GSK3B: variants seen among roughly 807,000 people sequenced by gnomAD.
GSK3B encodes the protein glycogen synthase kinase 3 beta.
A neutral mutation model predicts 56.4 loss-of-function variants in GSK3B; 15 were observed. That is an observed-to-expected ratio of 0.27 (90% confidence interval 0.18 to 0.41). The LOEUF (loss-of-function observed/expected upper bound fraction) is 0.41, where lower values mean the gene tolerates loss of function less well. Ranked by LOEUF, GSK3B falls within the 10% of genes least tolerant of loss-of-function variation. The pLI is 1.00. For synonymous variants in GSK3B, 181 were observed against 188.9 expected (o/e 0.96, Z 0.34); for missense variants, 300 against 513.4 (o/e 0.58, Z 4.02).
chr3:119,879,065 A>AT (rs776708142), intron 7 of GSK3B, among the ~76,000 whole-genome samples: 2 of 152,244 alleles, frequency 1.3e-5, no homozygotes, highest in African/African-American at 2.4e-5. Flanking sequence ...GTGGCTACAT[A>AT]GTAGGTGTAT....
chr3:120,089,428 T>G (rs2058492490), intron 1 of GSK3B, among the ~76,000 whole-genome samples: 1 of 152,238 alleles, frequency 6.6e-6, no homozygotes, highest in Non-Finnish European at 1.5e-5. Context: ...AGAAATGGAC[T>G]AAACTCTAAT....
chr3:119,839,066 G>A (rs2055734636), intron 10 of GSK3B, among the ~76,000 whole-genome samples: 1 of 152,140 alleles, frequency 6.6e-6, no homozygotes, highest in Non-Finnish European at 1.5e-5. Context: ...ATATTTTGTT[G>A]TACTAGTCAA....
chr3:119,877,997 T>TA, intron 7 of GSK3B, among the ~76,000 whole-genome samples: 1 of 152,132 alleles, frequency 6.6e-6, no homozygotes, highest in East Asian at 1.9e-4. Context: ...AATGTAATGG[T>TA]AAGTACTAGA....
chr3:119,958,839 AACAGGT>A (rs1290177945), intron 2 of GSK3B, among the ~76,000 whole-genome samples: 1 of 151,850 alleles, frequency 6.6e-6, no homozygotes, highest in African/African-American at 2.4e-5. Context: ...GTTGGAGCTT[AACAGGT>A]AGAATTCAAC....
chr3:120,012,300 T>C (rs1166341152), intron 1 of GSK3B, among the ~76,000 whole-genome samples: 1 of 152,186 alleles, frequency 6.6e-6, no homozygotes, highest in African/African-American at 2.4e-5. Flanking sequence ...CAAGAAAAAC[T>C]AGAAACTGTA....
intron 2 of GSK3B, among the ~76,000 whole-genome samples, chr3:119,962,388 A>C (rs1449455329): frequency 2.6e-5 from 4 of 151,580 alleles, no homozygotes; most frequent in African/African-American, 9.7e-5. Flanking sequence ...AAAAAAAAAA[A>C]AACAAAAACA....
chr3:119,827,817 A>G (rs1403470558), intron 10 of GSK3B, among the ~76,000 whole-genome samples: 1 of 151,126 alleles, frequency 6.6e-6, no homozygotes, highest in Non-Finnish European at 1.5e-5. Context: ...GATTGTTACC[A>G]GAGGTTGGGA....
intron 1 of GSK3B, among the ~76,000 whole-genome samples, chr3:120,040,759 T>C (rs1224756124): frequency 6.6e-6 from 1 of 151,968 alleles, no homozygotes; most frequent in South Asian, 2.1e-4. Flanking sequence ...CCAGTTCCCA[T>C]GCCTAAAGAC....
intron 8 of GSK3B, among the ~76,000 whole-genome samples, chr3:119,868,184 A>C (rs1019896564): frequency 6.6e-6 from 1 of 152,176 alleles, no homozygotes; most frequent in Non-Finnish European, 1.5e-5. Context: ...AAAGAACCAA[A>C]ACACTGACAT....
chr3:119,823,157 CTTCTA>C lies in GSK3B; in HGVS notation c.*3626_*3630del, dbSNP rs1283132400. 3.0e-5 allele frequency: 7 copies of C among 229,728 alleles called. No homozygotes were observed. Among genetic ancestry groups the C allele is most frequent in the East Asian group, 6.2e-5 (1 of 16,150 alleles). 14.2% of individuals were successfully genotyped at this position (229,728 alleles called of 1,614,324 possible). A position where few individuals can be genotyped will look rare whatever the true frequency, so the allele number is the denominator to read the frequency against. ...GTAACCTTTGGTTTGGTAGTTTTTT[CTTCTA>C]TTCAAGACATTTTATATGGACTACT... is the stretch of plus-strand genomic sequence containing the variant. On this transcript the variant is annotated 3_prime_UTR_variant, in exon 11 of 11. Transcript: ENST00000264235.
intron 8 of GSK3B, among the ~76,000 whole-genome samples, chr3:119,865,258 C>T (rs1429587586): frequency 6.6e-6 from 1 of 151,360 alleles, no homozygotes; most frequent in African/African-American, 2.4e-5. Context: ...GTTTTTGCAC[C>T]AATATGGCAG....
chr3:120,079,485 C>T lies in GSK3B; in HGVS notation c.88+13862G>A, dbSNP rs981068761. On this transcript the variant is annotated intron_variant, in intron 1 of 10. Transcript: ENST00000264235. ...TATCGGCTCATTGCAACCTCCACTTCCCAGGTCCAAACGATTCTCCTGCCT... is the reference window on the plus strand; with the variant it reads ...TATCGGCTCATTGCAACCTCCACTTTCCAGGTCCAAACGATTCTCCTGCCT... Among the ~76,000 whole-genome samples the T allele has an allele frequency of 2.0e-5, 3 of 151,820 alleles. No individual in the cohort carries two copies. In the East Asian group the frequency reaches 5.8e-4, roughly 29 times the overall value.
intron 8 of GSK3B, 70 bp downstream of exon 8, chr3:119,876,343 G>A (rs2056313135): frequency 2.4e-6 from 2 of 830,634 alleles, no homozygotes; most frequent in East Asian, 4.9e-5. Context: ...TCTCAAAATA[G>A]TTTAAGAACA....
intron 7 of GSK3B, among the ~76,000 whole-genome samples, chr3:119,880,556 G>C (rs2056368341): frequency 1.3e-5 from 2 of 152,110 alleles, no homozygotes; most frequent in South Asian, 4.1e-4. Flanking sequence ...GTTTGGGTAA[G>C]ATAGATGGAA....
At chr3:120,069,908 T>A (rs2058312211) in intron 1 of GSK3B, among the ~76,000 whole-genome samples, 1 of 152,138 alleles carries the variant, frequency 6.6e-6, no homozygotes, top group African/African-American at 2.4e-5. Flanking sequence ...TGGTGATGAT[T>A]TTTCCTTAAA....
chr3:119,983,011 G>C (rs977944591), intron 2 of GSK3B, among the ~76,000 whole-genome samples: 1 of 152,114 alleles, frequency 6.6e-6, no homozygotes, highest in Non-Finnish European at 1.5e-5. Flanking sequence ...TGGATCTCTC[G>C]GCAGAAACCC....
In GSK3B at chr3:119,822,997, G is replaced by C; in HGVS notation, c.*3791C>G. ...TGGTGCAGACAAGATGACTGGTTAG[G>C]CATACATTGTTAAAACATAAACCAA... On this transcript the variant is annotated 3_prime_UTR_variant, in exon 11 of 11. Transcript: ENST00000264235. 1 of 229,556 alleles carries C rather than the reference G, an allele frequency of 4.4e-6. No individual in the cohort carries two copies. The highest frequency in any genetic ancestry group is 5.7e-5 in the Admixed American group (1 of 17,654). The allele number at this position is 229,556 out of a possible 1,614,324, so 14.2% of individuals were successfully genotyped here.
At chr3:120,034,472 G>A (rs1014176263) in intron 1 of GSK3B, among the ~76,000 whole-genome samples, 16 of 152,020 alleles carry the variant, frequency 1.1e-4, no homozygotes, top group African/African-American at 3.6e-4. Flanking sequence ...ACCATTTGTG[G>A]GGGATAAAAA....
At chr3:119,903,541 T>C (rs986740832) in intron 7 of GSK3B, among the ~76,000 whole-genome samples, 8 of 152,142 alleles carry the variant, frequency 5.3e-5, no homozygotes, top group African/African-American at 1.7e-4. Context: ...AATATATTAA[T>C]AGCAGGTAGC....
Sources: allele counts gnomAD v4.1 joint callset (sites outside exome capture counted in the v4.1 genomes callset), GRCh38; gene constraint gnomAD v4.1.1; transcripts MANE v1.5; gene names NCBI Gene and HGNC (gene_info 2026-07-23, HGNC 2026-07-21).